The following ROBO1 variants were observed in gnomAD, a reference collection of about 807,000 sequenced individuals.
ROBO1 encodes roundabout homolog 1.
Under a neutral mutation model 195.9 loss-of-function variants are expected in ROBO1, and 149 were observed. That is an observed-to-expected ratio of 0.76 (90% CI 0.67 to 0.87). The LOEUF (loss-of-function observed/expected upper bound fraction) is 0.87, where lower values mean the gene tolerates loss of function less well. ROBO1 is among the 40% of genes least tolerant of loss of function. The pLI, the probability that ROBO1 is intolerant of heterozygous loss-of-function variation, is 0.00. For missense variants in ROBO1, 1,933 were observed against 2,068.3 expected (o/e 0.93, Z 1.27); for synonymous variants, 816 against 733.2 (o/e 1.11, Z -1.82).
At chr3:78,978,929 C>G (rs949460435) in intron 3 of ROBO1, among the ~76,000 whole-genome samples, 1 of 152,182 alleles carries the variant, frequency 6.6e-6, no homozygotes, top group Non-Finnish European at 1.5e-5. Flanking sequence ...TCTTCAAGTT[C>G]TGACATCTCC....
chr3:79,010,034 C>G (rs184887763), intron 3 of ROBO1, among the ~76,000 whole-genome samples: 7 of 152,024 alleles, frequency 4.6e-5, no homozygotes, highest in Non-Finnish European at 8.8e-5. Flanking sequence ...GTGTGTAAAA[C>G]CAGGGTACAC....
chr3:79,719,198 A>C (rs1034202363), intron 1 of ROBO1, among the ~76,000 whole-genome samples: 2 of 152,108 alleles, frequency 1.3e-5, no homozygotes, highest in African/African-American at 4.8e-5. Context: ...AGATAGAATA[A>C]AAGTAGAAAA....
intron 3 of ROBO1, among the ~76,000 whole-genome samples, chr3:79,007,380 G>A (rs887148107): frequency 1.3e-5 from 2 of 152,148 alleles, no homozygotes; most frequent in African/African-American, 4.8e-5. Flanking sequence ...TAAAGACCGT[G>A]CTCAGGGTAC....
intron 3 of ROBO1, among the ~76,000 whole-genome samples, chr3:78,966,343 A>C (rs1263126819): frequency 6.6e-6 from 1 of 152,248 alleles, no homozygotes; most frequent in African/African-American, 2.4e-5. Flanking sequence ...ATCTGTAGCA[A>C]CAGCTTTTCA....
chr3:79,676,378 C>A (rs1474801774), intron 1 of ROBO1, among the ~76,000 whole-genome samples: 1 of 151,970 alleles, frequency 6.6e-6, no homozygotes, highest in Non-Finnish European at 1.5e-5. Context: ...GGTCAGGAGT[C>A]CATGTATTAA....
At chr3:79,585,977 A>C (rs201926791) in intron 2 of ROBO1, among the ~76,000 whole-genome samples, 1 of 151,662 alleles carries the variant, frequency 6.6e-6, no homozygotes, top group Non-Finnish European at 1.5e-5. Flanking sequence ...TTGGAAAAAA[A>C]ATACCTGTGG....
intron 2 of ROBO1, among the ~76,000 whole-genome samples, chr3:79,334,690 G>C (rs1352204445): frequency 1.3e-5 from 2 of 151,504 alleles, no homozygotes; most frequent in Admixed American, 1.3e-4. Context: ...ATATGTAATA[G>C]TTTCAGATTT....
At chr3:78,657,812 T>C (rs1707131774) in intron 17 of ROBO1, among the ~76,000 whole-genome samples, 1 of 152,198 alleles carries the variant, frequency 6.6e-6, no homozygotes, top group Non-Finnish European at 1.5e-5. Flanking sequence ...GAGTAGTTGA[T>C]TGAAAAGGAA....
chr3:79,194,700 C>T (rs1430287543), intron 2 of ROBO1, among the ~76,000 whole-genome samples: 2 of 151,618 alleles, frequency 1.3e-5, no homozygotes, highest in East Asian at 1.9e-4. Flanking sequence ...TCTTTATGAC[C>T]TTTCACTTAC....
intron 1 of ROBO1, among the ~76,000 whole-genome samples, chr3:79,653,401 A>T (rs1046394377): frequency 2.6e-5 from 4 of 151,780 alleles, no homozygotes; most frequent in African/African-American, 9.7e-5. Flanking sequence ...AAAGCTAAAA[A>T]CCTCTCTCAT....
At chr3:79,709,296 C>T (rs917698569) in intron 1 of ROBO1, among the ~76,000 whole-genome samples, 7 of 151,992 alleles carry the variant, frequency 4.6e-5, no homozygotes, top group Non-Finnish European at 1.0e-4. Context: ...AATATACAAA[C>T]TTGTCAAATC....
At chr3:79,350,385 C>T (rs1347982317) in intron 2 of ROBO1, among the ~76,000 whole-genome samples, 1 of 152,160 alleles carries the variant, frequency 6.6e-6, no homozygotes, top group Non-Finnish European at 1.5e-5. Flanking sequence ...AAACCACTGT[C>T]CGTTCCTCAA....
chr3:79,472,390 A>G (rs151222590), intron 2 of ROBO1, among the ~76,000 whole-genome samples: 1 of 152,110 alleles, frequency 6.6e-6, no homozygotes, highest in South Asian at 2.1e-4. Context: ...ACCGTTAAAT[A>G]TATCCAATAA....
intron 2 of ROBO1, among the ~76,000 whole-genome samples, chr3:79,457,198 AG>A (rs2039644302): frequency 6.6e-6 from 1 of 152,212 alleles, no homozygotes; most frequent in Non-Finnish European, 1.5e-5. Flanking sequence ...CACAGTCATT[AG>A]TACAAACAAA....
intron 2 of ROBO1, among the ~76,000 whole-genome samples, chr3:79,412,409 C>G (rs2037806641): frequency 6.6e-6 from 1 of 152,104 alleles, no homozygotes; most frequent in Non-Finnish European, 1.5e-5. Flanking sequence ...GTGATTTCAG[C>G]ATTTTCCCAT....
At chr3:78,763,018 A>G (rs1273924373) in intron 4 of ROBO1, among the ~76,000 whole-genome samples, 1 of 152,134 alleles carries the variant, frequency 6.6e-6, no homozygotes, top group Non-Finnish European at 1.5e-5. Context: ...GACACAAGAG[A>G]CAAGCACTTA....
intron 2 of ROBO1, among the ~76,000 whole-genome samples, chr3:79,342,816 T>C (rs76376010): frequency 0.02 from 2,977 of 152,228 alleles, 83 homozygotes; most frequent in African/African-American, 0.063. Flanking sequence ...CTTATCAGAG[T>C]AAAATATTTG....
intron 2 of ROBO1, among the ~76,000 whole-genome samples, chr3:79,371,092 G>A (rs573703297): frequency 6.6e-6 from 1 of 152,172 alleles, no homozygotes; most frequent in Admixed American, 6.5e-5. Context: ...ATTATTGATG[G>A]GCATTTGGGT....
rs139683312 is a variant in ROBO1 at position 79,553,679 on chromosome 3, A to T, written c.88+36145T>A. 4.1e-3 allele frequency among the ~76,000 whole-genome samples: 621 copies of T among 152,226 alleles called. 6 individuals are homozygous for T. The highest frequency in any genetic ancestry group is 6.8e-3 in the Non-Finnish European group (464 of 67,952). On this transcript the variant is annotated intron_variant, in intron 2 of 30. Transcript: ENST00000464233. The stretch of plus-strand genomic sequence containing the variant: ...GTAAACATTATTGGAAATTTTATTA[A>T]ATCCAACAGTTACTAAATACCATAA...
Sources: allele counts gnomAD v4.1 joint callset (sites outside exome capture counted in the v4.1 genomes callset), GRCh38; gene constraint gnomAD v4.1.1; transcripts MANE v1.5; gene names NCBI Gene and HGNC (gene_info 2026-07-23, HGNC 2026-07-21).